MAST4: variants seen among roughly 807,000 people sequenced by gnomAD.
MAST4 encodes the protein microtubule associated serine/threonine kinase family member 4, also known as microtubule-associated serine/threonine-protein kinase 4.
In MAST4, 89 loss-of-function variants were observed where a neutral mutation model predicts 162.7. That is an observed-to-expected ratio of 0.55 (90% CI 0.46 to 0.65). The LOEUF is 0.65. MAST4 is among the 30% of genes least tolerant of loss of function. The pLI is 0.00. For missense variants in MAST4, 3,153 were observed against 3,374.0 expected (o/e 0.93, Z 1.62); for synonymous variants, 1,479 against 1,361.1 (o/e 1.09, Z -1.91).
intron 4 of MAST4, among the ~76,000 whole-genome samples, chr5:66,918,674 CAAACAAAT>C (rs1269277722): frequency 1.5e-5 from 1 of 65,970 alleles, no homozygotes; most frequent in Non-Finnish European, 4.8e-5. Context: ...CAAATAAAGA[CAAACAAAT>C]GTGAGGTCTC....
At chr5:67,016,030 G>A (rs1291680807) in intron 4 of MAST4, among the ~76,000 whole-genome samples, 1 of 152,164 alleles carries the variant, frequency 6.6e-6, no homozygotes, top group Non-Finnish European at 1.5e-5. Flanking sequence ...GGGAAACAAA[G>A]ATATGTATAG....
Position 66,759,813 on chromosome 5 carries a change from T to A in MAST4, c.468T>A (p.Ser156Arg), listed in dbSNP as rs748699487. 2 of 1,613,608 alleles carry A rather than the reference T, an allele frequency of 1.2e-6. No individual in the cohort carries two copies. The highest frequency in any genetic ancestry group is 8.5e-7 in the Non-Finnish European group (1 of 1,179,810). ...CACTGAAGTATAAAAGACAGCTGAG[T>A]GAGGATGGAAGACAGCTAAGGCGAG... ...GKSLKYKRQL[S>R]EDGRQLRRGS... Residue 156 changes from serine (S) to arginine (R), a missense_variant, in exon 2 of 29, where the codon AGT becomes AGA. By Grantham distance (110) the Ser-to-Arg change is moderately radical. Transcript: ENST00000403625.
intron 2 of MAST4, among the ~76,000 whole-genome samples, chr5:66,774,388 C>A (rs1350432069): frequency 6.6e-6 from 1 of 152,206 alleles, no homozygotes; most frequent in Non-Finnish European, 1.5e-5. Context: ...AATAATACAT[C>A]ATGCACATAC....
At chr5:66,813,080 T>G (rs953752417) in intron 3 of MAST4, among the ~76,000 whole-genome samples, 1 of 152,210 alleles carries the variant, frequency 6.6e-6, no homozygotes, top group Non-Finnish European at 1.5e-5. Flanking sequence ...TTAATGAGAA[T>G]GCTGTTGCAT....
chr5:66,873,960 GC>G lies in MAST4; in HGVS notation c.643-25990del, dbSNP rs139912530. Among the ~76,000 whole-genome samples the G allele has an allele frequency of 6.2e-3, 951 of 152,232 alleles. 44 individuals carry two copies. The South Asian group carries it at 0.12, about 19-fold the overall frequency. ...GGAAAATATGGGCCAGAAATAAGGG[GC>G]TCATTTTCAGCTCAAGGAGTTGGCT... On this transcript the variant is annotated intron_variant, in intron 3 of 28. Coordinates refer to ENST00000403625, the MANE Select transcript of MAST4 (RefSeq NM_001164664.2).
At position 67,163,290 on chromosome 5, in the gene MAST4, G is replaced by A. The variant is rs372321662; in HGVS notation, c.4111G>A (p.Ala1371Thr). The change falls in exon 29 of 29, where the codon GCC (alanine) becomes ACC (threonine). Residue 1371 changes from alanine (A) to threonine (T), a missense_variant. Coordinates refer to ENST00000403625, the MANE Select transcript of MAST4 (RefSeq NM_001164664.2). This position sits in a 1 kb window ranked among gnomAD's most constrained non-coding sequence, Gnocchi z 7.0. ...QRYRSGRRKSAGNIPLSPLAR... is the reference protein window; with the variant it reads ...QRYRSGRRKSTGNIPLSPLAR... The stretch of plus-strand genomic sequence containing the variant: ...GTACCGGTCCGGAAGGCGAAAGTCC[G>A]CCGGCAACATCCCACTGTCCCCGCT... 3 of 1,613,196 alleles carry A rather than the reference G, an allele frequency of 1.9e-6. No individual in the cohort carries two copies. The highest frequency in any genetic ancestry group is 3.3e-5 in the Admixed American group (2 of 60,018).
chr5:66,999,782 T>A (rs1751069959), intron 4 of MAST4, among the ~76,000 whole-genome samples: 1 of 152,184 alleles, frequency 6.6e-6, no homozygotes, highest in Non-Finnish European at 1.5e-5. Flanking sequence ...TCTTACCTTG[T>A]GGCATTATTT....
intron 1 of MAST4, among the ~76,000 whole-genome samples, chr5:66,697,010 C>T (rs1052049658): frequency 7.9e-5 from 12 of 152,140 alleles, no homozygotes; most frequent in African/African-American, 2.9e-4. Flanking sequence ...AGCATTTCTG[C>T]ACAATGAAAT....
chr5:66,838,745 A>G (rs1176846042), intron 3 of MAST4, among the ~76,000 whole-genome samples: 3 of 152,178 alleles, frequency 2.0e-5, no homozygotes, highest in Admixed American at 6.5e-5. Context: ...GGAGGAAGCA[A>G]CAGTGTGTGC....
chr5:66,868,516 G>A (rs1229654965), intron 3 of MAST4, among the ~76,000 whole-genome samples: 3 of 144,312 alleles, frequency 2.1e-5, no homozygotes, highest in Non-Finnish European at 4.5e-5. Flanking sequence ...TTAGCAATAG[G>A]ATACCAAGTG....
rs559131801 is a variant in MAST4, at chr5:67,116,292, G to A, written c.1591+2073G>A. ...ATGATCTCGGCTCACTGCAACCTCC[G>A]TCTCCTCAGTTCAAGTGATTCTCCT... On this transcript the variant is annotated intron_variant, in intron 12 of 28. Transcript: ENST00000403625. 5.9e-5 allele frequency among the ~76,000 whole-genome samples: 9 copies of A among 151,900 alleles called. No homozygotes were observed. In the East Asian group the frequency reaches 1.2e-3, roughly 20 times the overall value.
chr5:66,986,668 T>C (rs1749547396), intron 4 of MAST4: 1 of 200,132 alleles, frequency 5.0e-6, no homozygotes, highest in Admixed American at 6.2e-5. Flanking sequence ...TTGCTCAGGC[T>C]GGAGGGCAGT....
At chr5:66,988,505 G>GGC (rs1749747968) in intron 4 of MAST4, among the ~76,000 whole-genome samples, 1 of 152,152 alleles carries the variant, frequency 6.6e-6, no homozygotes, top group East Asian at 1.9e-4. Context: ...ATTAGACACT[G>GGC]TTTTAAATAC....
chr5:66,892,624 C>T (rs1762431427), intron 3 of MAST4, among the ~76,000 whole-genome samples: 1 of 152,174 alleles, frequency 6.6e-6, no homozygotes, highest in African/African-American at 2.4e-5. Flanking sequence ...CTGTTCCTTT[C>T]TTCCTCGTTA....
chr5:66,793,373 G>T (rs1755510563), intron 3 of MAST4, among the ~76,000 whole-genome samples: 1 of 152,084 alleles, frequency 6.6e-6, no homozygotes, highest in African/African-American at 2.4e-5. Flanking sequence ...ATCTGAAGAG[G>T]GGAAAACTCA....
chr5:67,076,251 A>G (rs779340893), intron 5 of MAST4, among the ~76,000 whole-genome samples: 2 of 152,182 alleles, frequency 1.3e-5, no homozygotes, highest in Non-Finnish European at 2.9e-5. Context: ...CATTTTAACT[A>G]TTGGAATCCC....
chr5:66,766,915 T>C (rs1422822395), intron 2 of MAST4, among the ~76,000 whole-genome samples: 1 of 152,134 alleles, frequency 6.6e-6, no homozygotes, highest in East Asian at 1.9e-4. Flanking sequence ...TTCTTGCTCA[T>C]GTAGTAATTC....
chr5:66,816,038 T>C (rs545899419), intron 3 of MAST4, among the ~76,000 whole-genome samples: 2 of 152,204 alleles, frequency 1.3e-5, no homozygotes, highest in African/African-American at 4.8e-5. Flanking sequence ...TTCACTGAAC[T>C]TCAATTTTAG....
At chr5:67,072,624 A>G (rs181395012) in intron 5 of MAST4, among the ~76,000 whole-genome samples, 1 of 152,362 alleles carries the variant, frequency 6.6e-6, no homozygotes, top group Admixed American at 6.5e-5. Context: ...AAAATCCAAG[A>G]GAATTCAGTG....
Sources: gnomAD v4.1 joint callset for allele counts (sites outside exome capture counted in the v4.1 genomes callset) on GRCh38, gnomAD v4.1.1 for gene constraint, Gnocchi (gnomAD v3.1) non-coding constraint, MANE v1.5 for transcripts, NCBI Gene and HGNC (gene_info 2026-07-23, HGNC 2026-07-21) for gene names.